The following RAP1GAP2 variants were observed in gnomAD, a reference collection of about 807,000 sequenced individuals.
The protein encoded by RAP1GAP2 is rap1 GTPase-activating protein 2.
Under a neutral mutation model 95.0 loss-of-function variants are expected in RAP1GAP2, and 27 were observed. The ratio of observed to expected loss-of-function variants is 0.28; its 90% CI spans 0.21 to 0.39. The LOEUF (loss-of-function observed/expected upper bound fraction) is 0.39, where lower values mean the gene tolerates loss of function less well. RAP1GAP2 is among the 10% of genes least tolerant of loss of function. RAP1GAP2 has a pLI of 1.00. For synonymous variants in RAP1GAP2, 373 were observed against 380.9 expected (o/e 0.98, Z 0.24); for missense variants, 771 against 970.0 (o/e 0.79, Z 2.72).
intron 1 of RAP1GAP2, among the ~76,000 whole-genome samples, chr17:2,766,492 C>G (rs1479910100): frequency 6.6e-6 from 1 of 152,004 alleles, no homozygotes; most frequent in Non-Finnish European, 1.5e-5. Flanking sequence ...AAAAAATTGT[C>G]CCAGCTACTT....
chr17:2,791,015 G>A lies in RAP1GAP2; in HGVS notation c.-13-9500G>A, dbSNP rs748845830. Among the ~76,000 whole-genome samples the A allele has an allele frequency of 7.3e-4, 111 of 152,352 alleles. 1 individual carries two copies. Among genetic ancestry groups the A allele is most frequent in the Admixed American group, 6.5e-3 (99 of 15,312 alleles). ...AGGTCATGAGTTCGAGACCATCCAG[G>A]CCAACATGGCAAAACCCCATCTCCA... On this transcript the variant is annotated intron_variant, in intron 1 of 24. Coordinates refer to the RAP1GAP2 transcript ENST00000540393.
rs1247028182 is a variant in RAP1GAP2 at position 2,855,324 on chromosome 17, ATTTC to A, written c.81-49956_81-49953del. On this transcript the variant is annotated intron_variant, in intron 2 of 24. Coordinates refer to ENST00000254695, the MANE Select transcript of RAP1GAP2 (RefSeq NM_015085.5). The surrounding 1 kb of genome is among the most constrained non-coding windows in gnomAD (Gnocchi z 4.3). ...TTTCAGTTCTCTGCGAATCCTTGTG[ATTTC>A]TTTGAGGGGAAGTTTCAGGTGGATG... is the stretch of plus-strand genomic sequence containing the variant. Among the ~76,000 whole-genome samples, 1 of 152,152 alleles carries A rather than the reference ATTTC, an allele frequency of 6.6e-6. No individual in the cohort carries two copies. Among genetic ancestry groups the A allele is most frequent in the African/African-American group, 2.4e-5 (1 of 41,418 alleles).
chr17:2,991,190 C>T (rs2045739482), intron 11 of RAP1GAP2, 107 bp from the exon 12 acceptor site: 1 of 886,912 alleles, frequency 1.1e-6, no homozygotes. Flanking sequence ...TGCTGGGAGA[C>T]AGGGAGAAAG....
Position 3,005,217 on chromosome 17 carries a change from G to A in RAP1GAP2, c.1201-152G>A. On this transcript the variant is annotated intron_variant, in intron 14 of 24. Coordinates refer to ENST00000254695, the MANE Select transcript of RAP1GAP2 (RefSeq NM_015085.5). This position sits in a 1 kb window ranked among gnomAD's most constrained non-coding sequence, Gnocchi z 5.2. ...CCCCACTTCTAGGAACAGGGTCAGG[G>A]CCTGTGCTGGCGATGCTCACAGGAG... 1.3e-6 allele frequency: 1 copy of A among 790,048 alleles called. No individual in the cohort carries two copies. The highest frequency in any genetic ancestry group is 2.2e-6 in the Non-Finnish European group (1 of 455,156). 48.9% of individuals were successfully genotyped at this position (790,048 alleles called of 1,614,324 possible).
chr17:3,027,964 G>A lies in RAP1GAP2; in HGVS notation c.2107+894G>A, dbSNP rs1368712462. Among the ~76,000 whole-genome samples the A allele has an allele frequency of 2.0e-5, 3 of 152,124 alleles. No individual in the cohort carries two copies. Among genetic ancestry groups the A allele is most frequent in the Non-Finnish European group, 4.4e-5 (3 of 68,014 alleles). On this transcript the variant is annotated intron_variant, in intron 22 of 24. Coordinates refer to ENST00000254695, the MANE Select transcript of RAP1GAP2 (RefSeq NM_015085.5). This position sits in a 1 kb window ranked among gnomAD's most constrained non-coding sequence, Gnocchi z 5.2. ...ATAGGGGGGCCAGCACCTGAGGGCCGTTCAGGTAGACCTGTGCGGTGGGCA... is the reference window on the plus strand; with the variant it reads ...ATAGGGGGGCCAGCACCTGAGGGCCATTCAGGTAGACCTGTGCGGTGGGCA...
chr17:2,897,539 G>A (rs925904522), intron 2 of RAP1GAP2, among the ~76,000 whole-genome samples: 1 of 151,432 alleles, frequency 6.6e-6, no homozygotes, highest in African/African-American at 2.4e-5. Context: ...TTTGTATTTT[G>A]AGTAGAGATG....
rs1022259012 is a variant in RAP1GAP2, at chr17:2,857,987, C to T, written c.81-47297C>T. On this transcript the variant is annotated intron_variant, in intron 2 of 24. Transcript: ENST00000254695. This position sits in a 1 kb window ranked among gnomAD's most constrained non-coding sequence, Gnocchi z 4.0. ...TGGTGGCGTGCACCTGTAATCCCAG[C>T]TATTCAGGAGGCTGAGGCAGGACAA... Among the ~76,000 whole-genome samples the T allele has an allele frequency of 6.6e-6, 1 of 152,132 alleles. No individual in the cohort carries two copies. The highest frequency in any genetic ancestry group is 6.5e-5 in the Admixed American group (1 of 15,268).
intron 19 of RAP1GAP2, among the ~76,000 whole-genome samples, chr17:3,022,278 A>C (rs2046986353): frequency 6.6e-6 from 1 of 152,212 alleles, no homozygotes; most frequent in African/African-American, 2.4e-5. Flanking sequence ...AGATGTCAGG[A>C]TATGGAGAAA....
intron 1 of RAP1GAP2, among the ~76,000 whole-genome samples, chr17:2,788,486 G>A (rs571339289): frequency 2.0e-5 from 3 of 152,070 alleles, no homozygotes; most frequent in South Asian, 2.1e-4. Flanking sequence ...TAGTAGAGAC[G>A]TGGGTTTCAC....
chr17:2,868,330 A>T (rs1245923525), intron 2 of RAP1GAP2, among the ~76,000 whole-genome samples: 2 of 152,166 alleles, frequency 1.3e-5, no homozygotes, highest in Non-Finnish European at 2.9e-5. Flanking sequence ...AGATGGCAAA[A>T]ACACGACTGC....
At chr17:2,988,654 T>C (rs974609102) in intron 11 of RAP1GAP2, among the ~76,000 whole-genome samples, 3 of 152,366 alleles carry the variant, frequency 2.0e-5, no homozygotes, top group Non-Finnish European at 2.9e-5. Context: ...ATGAATAAAG[T>C]TGCTGTGAAC....
Position 3,005,436 on chromosome 17 carries a change from A to G in RAP1GAP2, c.1268A>G (p.Gln423Arg). ...CCTCTGCCCAGTCCCCCCGTTTTCC[A>G]GAAGGTAGGACACTCTTCCTTCTGC... ...GPPLPSPPVF[Q>R]KGPEFREFLL... The change falls in exon 15 of 25, where the codon CAG (glutamine) becomes CGG (arginine). Residue 423 changes from glutamine to arginine, a missense_variant. Transcript: ENST00000254695. The surrounding 1 kb of genome is among the most constrained non-coding windows in gnomAD (Gnocchi z 5.2). 2 of 1,612,370 alleles carry G rather than the reference A, an allele frequency of 1.2e-6. No individual in the cohort carries two copies. Among genetic ancestry groups the G allele is most frequent in the South Asian group, 1.1e-5 (1 of 91,038 alleles).
At chr17:3,030,169 A>G (rs1373757437) in intron 22 of RAP1GAP2, among the ~76,000 whole-genome samples, 2 of 109,266 alleles carry the variant, frequency 1.8e-5, no homozygotes, top group Non-Finnish European at 4.0e-5. Flanking sequence ...TATGTATAAT[A>G]TATATTATAC....
intron 2 of RAP1GAP2, among the ~76,000 whole-genome samples, chr17:2,840,257 G>A (rs990798833): frequency 6.6e-6 from 1 of 151,610 alleles, no homozygotes. Context: ...CCCACCTCCT[G>A]GATTCAAGCG....
At chr17:2,812,279 T>C (rs1250216577) in intron 2 of RAP1GAP2, among the ~76,000 whole-genome samples, 2 of 152,188 alleles carry the variant, frequency 1.3e-5, no homozygotes, top group African/African-American at 4.8e-5. Flanking sequence ...CAATTAACCT[T>C]TTCTCTCTTT....
In RAP1GAP2 at chr17:3,016,043, G is replaced by A. The variant is rs115811031; in HGVS notation, c.1495-2018G>A. Among the ~76,000 whole-genome samples, 632 of 152,256 alleles carry A rather than the reference G, an allele frequency of 4.2e-3. 5 individuals are homozygous for A. Among genetic ancestry groups the A allele is most frequent in the African/African-American group, 0.015 (604 of 41,530 alleles). ...CCTCGACTAGCTCACACTACGATAA[G>A]GAAAATTCATGAGCTGGTGTCCAAG... On this transcript the variant is annotated intron_variant, in intron 17 of 24. Coordinates refer to ENST00000254695, the MANE Select transcript of RAP1GAP2 (RefSeq NM_015085.5).
intron 2 of RAP1GAP2, among the ~76,000 whole-genome samples, chr17:2,896,290 C>T (rs767680034): frequency 1.6e-4 from 24 of 152,196 alleles, no homozygotes; most frequent in African/African-American, 3.1e-4. Context: ...TCGCCTCCCA[C>T]GCTGAGACAC....
chr17:2,965,651 T>TGTG lies in RAP1GAP2; in HGVS notation c.596+10_596+11insGGT. ...CCTCCGGGTCATCCTTAGGTAGGGC[T>TGTG]GTTGCGCTGCTTGAGGCCACTTCTC... On this transcript the variant is annotated intron_variant, in intron 8 of 24. Coordinates refer to ENST00000254695, the MANE Select transcript of RAP1GAP2 (RefSeq NM_015085.5). This position sits in a 1 kb window ranked among gnomAD's most constrained non-coding sequence, Gnocchi z 4.7. 6 of 1,579,608 alleles carry TGTG rather than the reference T, an allele frequency of 3.8e-6. No individual in the cohort carries two copies. The highest frequency in any genetic ancestry group is 5.2e-6 in the Non-Finnish European group (6 of 1,155,584).
intron 2 of RAP1GAP2, among the ~76,000 whole-genome samples, chr17:2,847,031 C>CG (rs2071617081): frequency 6.6e-6 from 1 of 152,176 alleles, no homozygotes; most frequent in South Asian, 2.1e-4. Context: ...ATTTTTGAGA[C>CG]GGAGTCTTGC....
Sources: gnomAD v4.1 joint callset for allele counts (sites outside exome capture counted in the v4.1 genomes callset) on GRCh38, gnomAD v4.1.1 for gene constraint, Gnocchi (gnomAD v3.1) non-coding constraint, MANE v1.5 for transcripts, NCBI Gene and HGNC (gene_info 2026-07-23, HGNC 2026-07-21) for gene names.